The following GPC5 variants were observed in gnomAD, a reference collection of about 807,000 sequenced individuals.
GPC5 encodes the protein glypican-5.
A neutral mutation model predicts 53.9 loss-of-function variants in GPC5; 47 were observed. The ratio of observed to expected loss-of-function variants is 0.87; its 90% CI spans 0.69 to 1.11. The LOEUF is 1.11. Ranked by LOEUF, GPC5 falls within the 50% of genes most tolerant of loss-of-function variation. The pLI, the probability that GPC5 is intolerant of heterozygous loss-of-function variation, is 0.00. For synonymous variants in GPC5, 286 were observed against 263.3 expected, an observed-to-expected ratio of 1.09 and a Z score of -0.84; for missense variants, 748 against 713.1, an observed-to-expected ratio of 1.05 and a Z score of -0.56.
At chr13:92,098,355 C>T (rs1192991623) in intron 6 of GPC5, among the ~76,000 whole-genome samples, 16 of 152,062 alleles carry the variant, frequency 1.1e-4, no homozygotes. Flanking sequence ...TTTGTTATGA[C>T]CTTTGCACCT....
intron 7 of GPC5, among the ~76,000 whole-genome samples, chr13:92,351,422 G>A (rs1423799707): frequency 6.6e-6 from 1 of 151,482 alleles, no homozygotes; most frequent in East Asian, 1.9e-4. Context: ...TTAAAATATT[G>A]GAAGCAATAT....
rs115884882 is a variant in GPC5 at position 92,469,742 on chromosome 13, C to T, written c.1561+324753C>T. 3.1e-3 allele frequency among the ~76,000 whole-genome samples: 478 copies of T among 152,146 alleles called. 1 individual carries two copies. The highest frequency in any genetic ancestry group is 0.011 in the African/African-American group (442 of 41,532). ...CAATTTCCCACGTCTCTTGCAAAGA[C>T]TTTCATTATGGTAAACAGCAAAAGG... On this transcript the variant is annotated intron_variant, in intron 7 of 7. Transcript: ENST00000377067.
At chr13:91,507,974 A>T in intron 2 of GPC5, among the ~76,000 whole-genome samples, 1 of 152,322 alleles carries the variant, frequency 6.6e-6, no homozygotes, top group Middle Eastern at 3.4e-3. Flanking sequence ...TGATACTAAA[A>T]TAATATATAT....
intron 7 of GPC5, among the ~76,000 whole-genome samples, chr13:92,527,223 AAGAAAGAAAGAAAGAAAGAAAGAAAG>A (rs1188007049): frequency 0.11 from 5,192 of 47,102 alleles, 833 homozygotes; most frequent in East Asian, 0.2. Flanking sequence ...GAAAGAAAGA[AAGAAAGAAAGAAAGAAAGAAAGAAAG>A]AGAAAGAAAG....
chr13:91,542,223 C>T (rs868625835), intron 2 of GPC5, among the ~76,000 whole-genome samples: 2 of 152,018 alleles, frequency 1.3e-5, no homozygotes, highest in Non-Finnish European at 2.9e-5. Context: ...AAATTACATG[C>T]ATTGGGATAT....
At position 92,685,085 on chromosome 13, in the gene GPC5, T is replaced by TTATATTTATTTA. The variant is rs1234929720; in HGVS notation, c.1562-181196_1562-181195insATATTTATTTAT. ...TTCCATTGCCAGTGAGATCCAGTAG[T>TTATATTTATTTA]TCTATTTATTTATTTATTTATTTGA... On this transcript the variant is annotated intron_variant, in intron 7 of 7. Transcript: ENST00000377067. Among the ~76,000 whole-genome samples, 294 of 105,820 alleles carry TTATATTTATTTA rather than the reference T, an allele frequency of 2.8e-3. 1 individual carries two copies. Among genetic ancestry groups the TTATATTTATTTA allele is most frequent in the African/African-American group, 0.011 (283 of 25,236 alleles). The allele number at this position is 105,820 out of a possible 152,430, so 69.4% of individuals were successfully genotyped here.
At chr13:92,463,525 ATG>A (rs1878575440) in intron 7 of GPC5, among the ~76,000 whole-genome samples, 1 of 152,216 alleles carries the variant, frequency 6.6e-6, no homozygotes, top group Non-Finnish European at 1.5e-5. Context: ...GGCAGGTTGC[ATG>A]GAATTTTATT....
At chr13:92,765,587 G>A (rs1251090798) in intron 7 of GPC5, among the ~76,000 whole-genome samples, 7 of 152,170 alleles carry the variant, frequency 4.6e-5, no homozygotes, top group Non-Finnish European at 7.3e-5. Flanking sequence ...TGTAGCCCAG[G>A]AGTTCTCAGC....
intron 5 of GPC5, among the ~76,000 whole-genome samples, chr13:91,860,477 C>T (rs1037919043): frequency 6.9e-6 from 1 of 143,934 alleles, no homozygotes; most frequent in Non-Finnish European, 1.5e-5. Flanking sequence ...TTCCTGCCTT[C>T]CTTCCTTCCT....
chr13:92,655,741 C>T (rs770197378), intron 7 of GPC5, among the ~76,000 whole-genome samples: 1 of 152,106 alleles, frequency 6.6e-6, no homozygotes, highest in Non-Finnish European at 1.5e-5. Context: ...AGACCAGATG[C>T]TTCTATTACC....
intron 1 of GPC5, among the ~76,000 whole-genome samples, chr13:91,435,045 G>T (rs1209803205): frequency 1.3e-5 from 2 of 152,218 alleles, no homozygotes; most frequent in Non-Finnish European, 2.9e-5. Context: ...TTTGTATGCT[G>T]AGACTTTGCT....
chr13:91,981,310 G>A (rs1205315334), intron 6 of GPC5, among the ~76,000 whole-genome samples: 3 of 144,922 alleles, frequency 2.1e-5, no homozygotes, highest in Non-Finnish European at 3.0e-5. Flanking sequence ...TTTTTTTTGA[G>A]ACGGAGTCTC....
chr13:91,582,104 C>A (rs536423285), intron 2 of GPC5, among the ~76,000 whole-genome samples: 15 of 152,200 alleles, frequency 9.9e-5, no homozygotes, highest in African/African-American at 3.6e-4. Flanking sequence ...GACATTTTAA[C>A]AGATTCACAG....
intron 7 of GPC5, among the ~76,000 whole-genome samples, chr13:92,387,957 A>G (rs1230181028): frequency 6.6e-6 from 1 of 152,122 alleles, no homozygotes; most frequent in Non-Finnish European, 1.5e-5. Context: ...GTTTGCCCCA[A>G]TGCAGCCTGT....
intron 7 of GPC5, among the ~76,000 whole-genome samples, chr13:92,409,090 G>A (rs1374433216): frequency 6.6e-6 from 1 of 151,800 alleles, no homozygotes; most frequent in Non-Finnish European, 1.5e-5. Flanking sequence ...CATTCACACA[G>A]TATAGAATCA....
chr13:92,539,249 G>A (rs10467333), intron 7 of GPC5, among the ~76,000 whole-genome samples: 5,166 of 151,758 alleles, frequency 0.034, 246 homozygotes, highest in African/African-American at 0.1. Context: ...TCGCCACACT[G>A]TCTTCCACAA....
intron 7 of GPC5, among the ~76,000 whole-genome samples, chr13:92,431,018 A>G (rs573756227): frequency 6.6e-6 from 1 of 152,298 alleles, no homozygotes; most frequent in East Asian, 1.9e-4. Context: ...ACTATGCAAT[A>G]GTTGTCTGGT....
At chr13:92,332,248 G>A (rs1195709925) in intron 7 of GPC5, among the ~76,000 whole-genome samples, 3 of 152,246 alleles carry the variant, frequency 2.0e-5, no homozygotes, top group South Asian at 2.1e-4. Flanking sequence ...AATTTTGCTT[G>A]TGCCTTCTGC....
intron 7 of GPC5, among the ~76,000 whole-genome samples, chr13:92,862,517 G>A (rs1261800939): frequency 1.3e-5 from 2 of 151,938 alleles, no homozygotes; most frequent in African/African-American, 2.4e-5. Flanking sequence ...TGGTGAAAAA[G>A]ATACCTGGTG....
Sources: allele counts gnomAD v4.1 joint callset (sites outside exome capture counted in the v4.1 genomes callset), GRCh38; gene constraint gnomAD v4.1.1; transcripts MANE v1.5; gene names NCBI Gene and HGNC (gene_info 2026-07-23, HGNC 2026-07-21).